The following CCT6B variants were observed in gnomAD, a reference collection of about 807,000 sequenced individuals.
CCT6B encodes the protein chaperonin containing TCP1 subunit 6B.
CCT6B carries 49 observed loss-of-function variants against 61.5 expected under a neutral mutation model. The observed-to-expected ratio is 0.80, with a 90% CI of 0.63 to 1.01. The LOEUF is 1.01. Ranked by LOEUF, CCT6B falls within the 50% of genes least tolerant of loss-of-function variation. The probability of loss-of-function intolerance (pLI) is 0.00; values close to 1 mark genes in which losing one functional copy is unlikely to be tolerated. For synonymous variants in CCT6B, 228 were observed against 214.5 expected, an observed-to-expected ratio of 1.06 and a Z score of -0.55; for missense variants, 666 against 634.7, an observed-to-expected ratio of 1.05 and a Z score of -0.53.
At chr17:34,950,832 G>A (rs1015995362) in intron 5 of CCT6B, among the ~76,000 whole-genome samples, 1 of 152,044 alleles carries the variant, frequency 6.6e-6, no homozygotes, top group Non-Finnish European at 1.5e-5. Context: ...AGAAGGCTGA[G>A]GCAGGGGAAT....
chr17:34,936,106 A>G (rs1163575091), intron 10 of CCT6B, among the ~76,000 whole-genome samples: 1 of 152,090 alleles, frequency 6.6e-6, no homozygotes, highest in Non-Finnish European at 1.5e-5. Flanking sequence ...GCCTGCCACC[A>G]TGCCCAGCTA....
chr17:34,958,571 AC>A lies in CCT6B; in HGVS notation c.324del (p.Tyr109ThrfsTer10). 3 of 1,554,784 alleles carry A rather than the reference AC, an allele frequency of 1.9e-6. No individual in the cohort carries two copies. Among genetic ancestry groups the A allele is most frequent in the Non-Finnish European group, 2.6e-6 (3 of 1,149,526 alleles). On this transcript the variant is annotated frameshift_variant, in exon 3 of 14. Transcript: ENST00000314144. LOFTEE classifies it high-confidence loss of function. ...IIGELLKQAD[L>X]YISEGLHPRI... Reference sequence around the variant, plus strand: ...TGAAATTCTAATACCTCAGAAATGTACAGGTCAGCTTGTTTTAATAACTCTC... The same window carrying A: ...TGAAATTCTAATACCTCAGAAATGTAAGGTCAGCTTGTTTTAATAACTCTC...
intron 11 of CCT6B, among the ~76,000 whole-genome samples, chr17:34,931,782 A>G (rs1208071397): frequency 6.6e-6 from 1 of 152,242 alleles, no homozygotes; most frequent in Non-Finnish European, 1.5e-5. Context: ...TCATGGTAAT[A>G]GCATCTTTGA....
In CCT6B at chr17:34,928,052, T is replaced by C; in HGVS notation, c.1589A>G (p.Lys530Arg). ...EIMRAGMSSL[K>R] ...GGTTGATTTTGAATTCAATCATCAT[T>C]TGAGAGAAGACATCCCAGCTCGCAT... The change falls in exon 14 of 14, where the codon AAA becomes AGA. Residue 530 changes from lysine (K) to arginine (R), a missense_variant. Physicochemically the swap from Lys to Arg is conservative, Grantham distance 26. Transcript: ENST00000314144. The C allele has an allele frequency of 6.2e-7, 1 of 1,608,650 alleles. No individual in the cohort carries two copies. Among genetic ancestry groups the C allele is most frequent in the Non-Finnish European group, 8.5e-7 (1 of 1,176,538 alleles).
chr17:34,928,687 T>C (rs964756934), intron 13 of CCT6B, among the ~76,000 whole-genome samples: 1 of 152,238 alleles, frequency 6.6e-6, no homozygotes, highest in African/African-American at 2.4e-5. Context: ...TTCTCCATCA[T>C]GCATGTGCTA....
intron 12 of CCT6B, 137 bp from the exon 13 acceptor site, chr17:34,929,171 C>T: frequency 1.6e-6 from 1 of 615,038 alleles, no homozygotes; most frequent in Non-Finnish European, 2.9e-6. Flanking sequence ...TTGTTAAATC[C>T]AATGGTTGAT....
chr17:34,934,652 T>G (rs1201093945), intron 10 of CCT6B, among the ~76,000 whole-genome samples: 1 of 152,180 alleles, frequency 6.6e-6, no homozygotes, highest in African/African-American at 2.4e-5. Context: ...TTAAAAAAAT[T>G]GAATGTGTCA....
At chr17:34,958,238 G>A (rs961925040) in intron 3 of CCT6B, among the ~76,000 whole-genome samples, 1 of 152,142 alleles carries the variant, frequency 6.6e-6, no homozygotes. Context: ...GAGGTCAGGA[G>A]CTCAAGACCA....
At position 34,959,592 on chromosome 17, in the gene CCT6B, C is replaced by T. The variant is rs559512492; in HGVS notation, c.196G>A (p.Glu66Lys). The change falls in exon 2 of 14, where the codon GAG (glutamate) becomes AAG (lysine). Residue 66 changes from glutamate (E) to lysine (K), a missense_variant. By Grantham distance (56) the Glu-to-Lys change is moderately conservative (BLOSUM62 1). Transcript: ENST00000314144. ...LTKDGNVLLDEMQIQHPTASL... is the reference protein window; with the variant it reads ...LTKDGNVLLDKMQIQHPTASL... Reference sequence around the variant, plus strand: ...AGTCAGCAGCATCAGCTCACCATCTCATCGAGCAGCACATTGCCATCTTTG... The same window carrying T: ...AGTCAGCAGCATCAGCTCACCATCTTATCGAGCAGCACATTGCCATCTTTG... 1 of 1,610,842 alleles carries T rather than the reference C, an allele frequency of 6.2e-7. No homozygotes were observed. The highest frequency in any genetic ancestry group is 1.3e-5 in the African/African-American group (1 of 74,996).
At chr17:34,951,904 T>C in intron 5 of CCT6B, 46 bp downstream of exon 5, 1 of 871,248 alleles carries the variant, frequency 1.1e-6, no homozygotes, top group South Asian at 1.7e-5. Flanking sequence ...AGAATATCTT[T>C]AAAAAATTCT....
chr17:34,959,123 C>CCTT (rs1555551254), intron 2 of CCT6B, among the ~76,000 whole-genome samples: 1 of 102,544 alleles, frequency 9.8e-6, no homozygotes, highest in Non-Finnish European at 1.8e-5. Context: ...AAAAAAAAAA[C>CCTT]TTTTTTTTTT....
rs750401688 is a variant in CCT6B, at chr17:34,939,299, C to A, written c.1097G>T (p.Cys366Phe). 1.2e-6 allele frequency: 2 copies of A among 1,613,558 alleles called. No individual in the cohort carries two copies. The highest frequency in any genetic ancestry group is 2.2e-5 in the South Asian group (2 of 90,990). Reference protein sequence around the residue: ...GEEKFTFIEECVNPCSVTLLV... With the variant: ...GEEKFTFIEEFVNPCSVTLLV... ...CAAGGTAACAGAGCAAGGGTTAACA[C>A]ACTCCTCAATAAAAGTGAACTTTTC... is the stretch of plus-strand genomic sequence containing the variant. The change falls in exon 10 of 14, where the codon TGT becomes TTT. Residue 366 changes from cysteine (C) to phenylalanine (F), a missense_variant. By Grantham distance (205) the Cys-to-Phe change is radical. Transcript: ENST00000314144.
In CCT6B at chr17:34,939,229, A is replaced by T. The variant is rs570217709; in HGVS notation, c.1167T>A (p.Asp389Glu). Residue 389 changes from aspartate (D) to glutamate (E), a missense_variant, in exon 10 of 14, where the codon GAT becomes GAA. Coordinates refer to ENST00000314144, the MANE Select transcript of CCT6B (RefSeq NM_006584.4). ...PNKHTLTQVK[D>E]AIRDGLRAIK... The stretch of plus-strand genomic sequence containing the variant: ...TAGCACGAAGTCCATCTCTTATGGC[A>T]TCCTTGACTTGTGTGAGAGTATGCT... 1.5e-5 allele frequency: 25 copies of T among 1,613,862 alleles called. No individual in the cohort carries two copies. The highest frequency in any genetic ancestry group is 2.1e-5 in the Non-Finnish European group (25 of 1,179,928).
chr17:34,940,955 A>G (rs2142151713), intron 7 of CCT6B, among the ~76,000 whole-genome samples: 1 of 152,306 alleles, frequency 6.6e-6, no homozygotes, highest in Middle Eastern at 3.4e-3. Flanking sequence ...ATCTTCATAG[A>G]AAACAAATGG....
At position 34,932,406 on chromosome 17, in the gene CCT6B, T is replaced by TC; in HGVS notation, c.1307dup (p.Val437SerfsTer6). On this transcript the variant is annotated frameshift_variant, in exon 11 of 14. Coordinates refer to ENST00000314144, the MANE Select transcript of CCT6B (RefSeq NM_006584.4). LOFTEE classifies it high-confidence loss of function. Reference sequence around the variant, plus strand: ...GTAAGGCATCAGCAAAAGCTTGGACTCCAAGACGAGCTCTTCCTTTTATAC... The same window carrying TC: ...GTAAGGCATCAGCAAAAGCTTGGACTCCCAAGACGAGCTCTTCCTTTTATAC... 6.2e-7 allele frequency: 1 copy of TC among 1,612,204 alleles called. No individual in the cohort carries two copies. Among genetic ancestry groups the TC allele is most frequent in the Non-Finnish European group, 8.5e-7 (1 of 1,179,278 alleles).
At chr17:34,933,236 G>A (rs1300395470) in intron 10 of CCT6B, among the ~76,000 whole-genome samples, 2 of 152,144 alleles carry the variant, frequency 1.3e-5, no homozygotes, top group African/African-American at 4.8e-5. Flanking sequence ...TACTGCAGCA[G>A]AACTCAAACT....
At chr17:34,949,068 G>C (rs531812791) in intron 5 of CCT6B, among the ~76,000 whole-genome samples, 1 of 80,158 alleles carries the variant, frequency 1.2e-5, no homozygotes, top group East Asian at 3.0e-4. Flanking sequence ...AGGAAGGGAA[G>C]GGGGAGGGGA....
intron 5 of CCT6B, among the ~76,000 whole-genome samples, chr17:34,946,812 C>T (rs910699573): frequency 1.3e-5 from 2 of 152,168 alleles, no homozygotes; most frequent in African/African-American, 2.4e-5. Flanking sequence ...AGAGTACCTA[C>T]CTTATGATTC....
chr17:34,954,682 A>G, intron 3 of CCT6B, 83 bp from the exon 4 acceptor site: 1 of 1,150,296 alleles, frequency 8.7e-7, no homozygotes, highest in African/African-American at 1.6e-5. Context: ...ATTATGTTCA[A>G]AAAAAGTTAC....
Sources: gnomAD v4.1 joint callset for allele counts (sites outside exome capture counted in the v4.1 genomes callset) on GRCh38, gnomAD v4.1.1 for gene constraint, MANE v1.5 for transcripts, NCBI Gene and HGNC (gene_info 2026-07-23, HGNC 2026-07-21) for gene names.